Variants in TRPC4AP observed in about 807,000 individuals in gnomAD.
TRPC4AP encodes the protein short transient receptor potential channel 4-associated protein.
Under a neutral mutation model 99.0 loss-of-function variants are expected in TRPC4AP, and 45 were observed. That is an observed-to-expected ratio of 0.45 (90% CI 0.36 to 0.58). The LOEUF is 0.58. Among genes scored for constraint, TRPC4AP ranks in the 20% least tolerant of loss-of-function variants. TRPC4AP has a pLI of 0.00. For missense variants in TRPC4AP, 879 were observed against 985.3 expected (o/e 0.89, Z 1.44); for synonymous variants, 408 against 385.8 (o/e 1.06, Z -0.67).
chr20:35,069,492 A>C, intron 2 of TRPC4AP, 80 bp from the exon 3 acceptor site: 1 of 891,372 alleles, frequency 1.1e-6, no homozygotes, highest in East Asian at 2.4e-5. Context: ...TTTGAGCTTT[A>C]GTCCCAACTG....
intron 3 of TRPC4AP, among the ~76,000 whole-genome samples, chr20:35,060,513 C>A (rs1032219493): frequency 3.4e-5 from 5 of 146,182 alleles, no homozygotes; most frequent in African/African-American, 1.0e-4. Context: ...CTCGCTTGAG[C>A]CCAGGAGAGG....
At chr20:35,074,644 A>G (rs1266683054) in intron 2 of TRPC4AP, among the ~76,000 whole-genome samples, 5 of 152,206 alleles carry the variant, frequency 3.3e-5, no homozygotes, top group Non-Finnish European at 7.3e-5. Context: ...ACAGTTTGTT[A>G]TAATTTCTGT....
rs146490187 is a variant in TRPC4AP, at chr20:35,049,891, A to G, written c.632T>C (p.Ile211Thr). 1.2e-5 allele frequency: 19 copies of G among 1,613,750 alleles called. No homozygotes were observed. The highest frequency in any genetic ancestry group is 5.0e-5 in the Admixed American group (3 of 59,958). Residue 211 changes from isoleucine to threonine, a missense_variant, in exon 6 of 19, where the codon ATT becomes ACT. Transcript: ENST00000252015. ...CTTTTTAACACCCAAAATATCTTCA[A>G]TGAGGGTTGCTGTTTGTAAGAATGT... ...KKTFLQTATL[I>T]EDILGVKKEM... is the part of the protein sequence containing the mutation.
intron 5 of TRPC4AP, among the ~76,000 whole-genome samples, chr20:35,051,847 C>T (rs1267823910): frequency 1.3e-5 from 2 of 152,132 alleles, no homozygotes; most frequent in Admixed American, 6.6e-5. Flanking sequence ...CTTGACTACC[C>T]ACCTTTCTCC....
chr20:35,035,059 C>G, intron 8 of TRPC4AP, 64 bp downstream of exon 8: 2 of 1,510,056 alleles, frequency 1.3e-6, no homozygotes, highest in African/African-American at 1.4e-5. Context: ...GAAAGAAGAG[C>G]AAGAATGGTC....
chr20:35,086,485 GTATA>G lies in TRPC4AP; in HGVS notation c.168+6125_168+6128del, dbSNP rs151331360. ...TGTGTGTGTGTGTGTGTATGTGTGTGTATATATATATGTGTATATATATGTGTGT... is the reference window on the plus strand; with the variant it reads ...TGTGTGTGTGTGTGTGTATGTGTGTGTATATATGTGTATATATATGTGTGT... On this transcript the variant is annotated intron_variant, in intron 1 of 18. Coordinates refer to ENST00000252015, the MANE Select transcript of TRPC4AP (RefSeq NM_015638.3). Among the ~76,000 whole-genome samples, 136 of 125,148 alleles carry G rather than the reference GTATA, an allele frequency of 1.1e-3. 9 individuals carry two copies. The highest frequency in any genetic ancestry group is 4.6e-3 in the African/African-American group (129 of 28,196). The allele number at this position is 125,148 out of a possible 152,430, so 82.1% of individuals were successfully genotyped here.
intron 8 of TRPC4AP, among the ~76,000 whole-genome samples, chr20:35,023,327 GTAGAGGGATA>G (rs1175044442): frequency 2.6e-5 from 4 of 152,200 alleles, no homozygotes; most frequent in Non-Finnish European, 5.9e-5. Flanking sequence ...GTTGTAAGGA[GTAGAGGGATA>G]TACTGAAGGT....
intron 3 of TRPC4AP, among the ~76,000 whole-genome samples, chr20:35,060,314 T>A: frequency 6.6e-6 from 1 of 152,156 alleles, no homozygotes; most frequent in South Asian, 2.1e-4. Context: ...ACTCCACGCA[T>A]GATGGCTTAT....
At chr20:35,004,132 A>G (rs534301210) in intron 17 of TRPC4AP, among the ~76,000 whole-genome samples, 5 of 152,336 alleles carry the variant, frequency 3.3e-5, no homozygotes, top group African/African-American at 1.2e-4. Context: ...GGAAGGCTGC[A>G]TGACTATTCA....
At chr20:35,073,956 T>C (rs2084397053) in intron 2 of TRPC4AP, among the ~76,000 whole-genome samples, 1 of 152,224 alleles carries the variant, frequency 6.6e-6, no homozygotes, top group Admixed American at 6.5e-5. Context: ...AGCCTGTTAT[T>C]GGTCTATTCA....
At chr20:35,080,887 C>T (rs926270779) in intron 1 of TRPC4AP, among the ~76,000 whole-genome samples, 3 of 151,350 alleles carry the variant, frequency 2.0e-5, no homozygotes, top group African/African-American at 7.3e-5. Flanking sequence ...ATGTGAATTA[C>T]ATCTCAATAA....
rs956755658 is a variant in TRPC4AP at position 35,034,272 on chromosome 20, C to T, written c.1051+851G>A. ...CCCTGGACTCTGTTCTTATTAACTG[C>T]CTCTCTCTGTGGGCAAATTCTCAGA... On this transcript the variant is annotated intron_variant, in intron 8 of 18. Transcript: ENST00000252015. Among the ~76,000 whole-genome samples the T allele has an allele frequency of 2.0e-5, 3 of 152,058 alleles. No homozygotes were observed. In the East Asian group the frequency reaches 5.8e-4, roughly 29 times the overall value.
At chr20:35,038,943 G>A (rs1459864299) in intron 7 of TRPC4AP, among the ~76,000 whole-genome samples, 2 of 152,148 alleles carry the variant, frequency 1.3e-5, no homozygotes, top group Non-Finnish European at 2.9e-5. Flanking sequence ...GCCTGGTGGC[G>A]CATGCCTGTA....
At chr20:35,073,816 A>T (rs567420064) in intron 2 of TRPC4AP, among the ~76,000 whole-genome samples, 86 of 152,152 alleles carry the variant, frequency 5.7e-4, no homozygotes, top group South Asian at 4.2e-3. Context: ...CTCTTTTTCT[A>T]TTGATTGGAA....
At chr20:35,016,778 GACAA>G (rs1600517550) in intron 9 of TRPC4AP, among the ~76,000 whole-genome samples, 1 of 152,150 alleles carries the variant, frequency 6.6e-6, no homozygotes, top group Non-Finnish European at 1.5e-5. Flanking sequence ...AGCCAAATAT[GACAA>G]ACAGAGAACA....
rs1331603793 is a variant in TRPC4AP at position 35,073,910 on chromosome 20, T to A, written c.297+4136A>T. On this transcript the variant is annotated intron_variant, in intron 2 of 18. Coordinates refer to ENST00000252015, the MANE Select transcript of TRPC4AP (RefSeq NM_015638.3). Reference sequence around the variant, plus strand: ...AATCCGTCTGGTCCTGGACTTTTTTTGGTTGGTAGGCTATTAATTATTGCC... The same window carrying A: ...AATCCGTCTGGTCCTGGACTTTTTTAGGTTGGTAGGCTATTAATTATTGCC... Among the ~76,000 whole-genome samples the A allele has an allele frequency of 2.0e-5, 3 of 152,234 alleles. No homozygotes were observed. The East Asian group carries it at 5.8e-4, about 29-fold the overall frequency.
intron 5 of TRPC4AP, 67 bp downstream of exon 5, chr20:35,054,909 T>C (rs1355424616): frequency 7.3e-7 from 1 of 1,369,620 alleles, no homozygotes; most frequent in South Asian, 1.2e-5. Flanking sequence ...TACTCGAATA[T>C]TCCCATCTTA....
chr20:35,029,200 G>A (rs966961530), intron 8 of TRPC4AP, among the ~76,000 whole-genome samples: 3 of 152,158 alleles, frequency 2.0e-5, no homozygotes, highest in Admixed American at 6.5e-5. Flanking sequence ...GCAGTGAGCT[G>A]ATCGTGCCAC....
At chr20:35,076,383 A>G (rs1012117980) in intron 2 of TRPC4AP, among the ~76,000 whole-genome samples, 13 of 152,186 alleles carry the variant, frequency 8.5e-5, no homozygotes, top group Middle Eastern at 3.4e-3. Flanking sequence ...GTTTCTCCCT[A>G]TCTTTGTGGT....
Sources: gnomAD v4.1 joint callset for allele counts (sites outside exome capture counted in the v4.1 genomes callset) on GRCh38, gnomAD v4.1.1 for gene constraint, MANE v1.5 for transcripts, NCBI Gene and HGNC (gene_info 2026-07-23, HGNC 2026-07-21) for gene names.